Variants in OCLN observed in about 807,000 individuals in gnomAD.
OCLN encodes the protein phosphatase 1, regulatory subunit 115.
Under a neutral mutation model 47.9 loss-of-function variants are expected in OCLN, and 21 were observed. That is an observed-to-expected ratio of 0.44 (90% CI 0.31 to 0.63). The LOEUF (loss-of-function observed/expected upper bound fraction) is 0.63. Ranked by LOEUF, OCLN falls within the 30% of genes least tolerant of loss-of-function variation. The pLI, the probability that OCLN is intolerant of heterozygous loss-of-function variation, is 0.08. For synonymous variants in OCLN, 117 were observed against 198.4 expected (o/e 0.59, Z 3.45); for missense variants, 360 against 571.0 (o/e 0.63, Z 3.77).
chr5:69,494,154 G>A (rs1409513283), intron 1 of OCLN, among the ~76,000 whole-genome samples: 1 of 151,806 alleles, frequency 6.6e-6, no homozygotes, highest in Non-Finnish European at 1.5e-5. Flanking sequence ...AATAGTAACA[G>A]TAGTTCTTTT....
chr5:69,547,099 T>C (rs943798340), intron 6 of OCLN, among the ~76,000 whole-genome samples: 1 of 151,014 alleles, frequency 6.6e-6, no homozygotes, highest in African/African-American at 2.4e-5. Context: ...ACATTTTTAA[T>C]GTCTATTTTT....
chr5:69,499,617 G>A (rs775754969), intron 1 of OCLN, among the ~76,000 whole-genome samples: 10 of 150,906 alleles, frequency 6.6e-5, no homozygotes, highest in Non-Finnish European at 1.0e-4. Flanking sequence ...CCGGAGTCTC[G>A]CTCCGTCGCC....
chr5:69,526,676 G>A (rs1398812949), intron 4 of OCLN, among the ~76,000 whole-genome samples: 1 of 147,994 alleles, frequency 6.8e-6, no homozygotes, highest in Non-Finnish European at 1.5e-5. Context: ...GAAAAAAGTA[G>A]AAAGGAGACT....
chr5:69,526,653 T>G (rs1227775986), intron 4 of OCLN, among the ~76,000 whole-genome samples: 1 of 152,158 alleles, frequency 6.6e-6, no homozygotes, highest in Non-Finnish European at 1.5e-5. Context: ...AGAAAGGATC[T>G]CCAGCTGTGA....
intron 1 of OCLN, among the ~76,000 whole-genome samples, chr5:69,499,275 A>T (rs958353129): frequency 6.6e-6 from 1 of 151,802 alleles, no homozygotes. Flanking sequence ...GGGTCTTACT[A>T]TGTTGCTGTG....
chr5:69,550,627 C>T (rs530948940), intron 7 of OCLN, among the ~76,000 whole-genome samples: 1 of 101,814 alleles, frequency 9.8e-6, no homozygotes, highest in East Asian at 3.4e-4. Flanking sequence ...ATACAGGACT[C>T]ATTTGATGCA....
intron 2 of OCLN, among the ~76,000 whole-genome samples, chr5:69,507,178 A>G (rs1359696885): frequency 6.6e-6 from 1 of 152,204 alleles, no homozygotes; most frequent in African/African-American, 2.4e-5. Flanking sequence ...TTTGTTGCCC[A>G]GGCTGGAGTG....
intron 1 of OCLN, among the ~76,000 whole-genome samples, chr5:69,497,755 A>C (rs1340443667): frequency 1.3e-5 from 2 of 152,212 alleles, no homozygotes; most frequent in Non-Finnish European, 2.9e-5. Flanking sequence ...TGTACAAATC[A>C]GGTTTTGTTT....
At chr5:69,494,629 G>A (rs1364686300) in intron 1 of OCLN, among the ~76,000 whole-genome samples, 1 of 152,210 alleles carries the variant, frequency 6.6e-6, no homozygotes, top group African/African-American at 2.4e-5. Context: ...TTTGTTAGGT[G>A]ACGGAGCAGA....
chr5:69,519,541 T>C (rs966774492), intron 4 of OCLN, among the ~76,000 whole-genome samples: 12 of 152,348 alleles, frequency 7.9e-5, no homozygotes, highest in Admixed American at 5.2e-4. Context: ...GTTTTTAACC[T>C]GGTCTTTTAT....
chr5:69,521,306 A>G (rs1261194987), intron 4 of OCLN, among the ~76,000 whole-genome samples: 2 of 152,214 alleles, frequency 1.3e-5, no homozygotes, highest in Admixed American at 6.5e-5. Flanking sequence ...ATTTCATAGT[A>G]TGAGTATACG....
intron 1 of OCLN, 87 bp downstream of exon 1, chr5:69,492,987 G>C (rs1305589359): frequency 6.6e-6 from 1 of 152,488 alleles, no homozygotes; most frequent in South Asian, 2.1e-4. Flanking sequence ...GGGAGGTGCC[G>C]GGGGGAGGAC....
intron 3 of OCLN, among the ~76,000 whole-genome samples, chr5:69,512,862 T>G (rs1768824438): frequency 6.6e-6 from 1 of 152,226 alleles, no homozygotes; most frequent in Admixed American, 6.5e-5. Flanking sequence ...GAAATGTTTC[T>G]GAGTTACTGA....
chr5:69,520,871 G>A (rs1769118009), intron 4 of OCLN, among the ~76,000 whole-genome samples: 1 of 151,998 alleles, frequency 6.6e-6, no homozygotes, highest in Admixed American at 6.6e-5. Context: ...GTTTTGAGAT[G>A]GAGTCTCGCT....
At chr5:69,495,217 T>C (rs1195919934) in intron 1 of OCLN, among the ~76,000 whole-genome samples, 1 of 152,244 alleles carries the variant, frequency 6.6e-6, no homozygotes, top group Non-Finnish European at 1.5e-5. Flanking sequence ...TTACTATTTA[T>C]GGAAATAAGA....
At chr5:69,495,211 T>C (rs1396188164) in intron 1 of OCLN, among the ~76,000 whole-genome samples, 1 of 152,258 alleles carries the variant, frequency 6.6e-6, no homozygotes, top group Admixed American at 6.5e-5. Context: ...ATCAAATTAC[T>C]ATTTATGGAA....
chr5:69,509,798 C>T lies in OCLN; in HGVS notation c.708C>T (p.Tyr236=), dbSNP rs201492433. 5 of 1,613,824 alleles carry T rather than the reference C, an allele frequency of 3.1e-6. No individual in the cohort carries two copies. The highest frequency in any genetic ancestry group is 4.2e-6 in the Non-Finnish European group (5 of 1,179,950). The change falls in exon 3 of 9, where the codon TAC becomes TAT. Residue 236 remains tyrosine (Y), a synonymous_variant. Transcript: ENST00000396442. ...GLYVDQYLYH[Y]CVVDPQEAIA... ...ACGTGGATCAGTATTTGTATCACTA[C>T]TGTGTTGTGGATCCCCAGGAGGTAT...
chr5:69,547,532 C>T (rs1235669729), intron 6 of OCLN, among the ~76,000 whole-genome samples: 1 of 126,494 alleles, frequency 7.9e-6, no homozygotes, highest in Non-Finnish European at 1.6e-5. Flanking sequence ...GATTGTGCCA[C>T]TGCACTCCAT....
At chr5:69,505,490 AT>A (rs1768575156) in intron 2 of OCLN, among the ~76,000 whole-genome samples, 1 of 152,034 alleles carries the variant, frequency 6.6e-6, no homozygotes, top group South Asian at 2.1e-4. Context: ...GTCTCTATAG[AT>A]TTGTCTATTC....
Sources: allele counts gnomAD v4.1 joint callset (sites outside exome capture counted in the v4.1 genomes callset), GRCh38; gene constraint gnomAD v4.1.1; transcripts MANE v1.5; gene names NCBI Gene and HGNC (gene_info 2026-07-23, HGNC 2026-07-21).